Variants in CHD9 observed in about 807,000 individuals in gnomAD.
CHD9 encodes ATP-dependent chromatin remodeler CHD9.
CHD9 carries 77 observed loss-of-function variants against 316.1 expected under a neutral mutation model. That is an observed-to-expected ratio of 0.24 (90% CI 0.20 to 0.29). The LOEUF (loss-of-function observed/expected upper bound fraction) is 0.29. Among genes scored for constraint, CHD9 ranks in the 10% least tolerant of loss-of-function variants. The pLI is 1.00. For synonymous variants in CHD9, 1,129 were observed against 1,158.3 expected (o/e 0.97, Z 0.51); for missense variants, 2,763 against 3,438.1 (o/e 0.80, Z 4.91).
At chr16:53,238,613 G>A (rs757266924) in intron 12 of CHD9, 27 bp downstream of exon 12, 3 of 1,607,056 alleles carry the variant, frequency 1.9e-6, no homozygotes, top group Non-Finnish European at 2.6e-6. Flanking sequence ...TTTGTTTGTT[G>A]TTTGAAAGGT....
At chr16:53,138,057 G>A (rs976465554) in intron 1 of CHD9, among the ~76,000 whole-genome samples, 4 of 152,144 alleles carry the variant, frequency 2.6e-5, no homozygotes, top group African/African-American at 4.8e-5. Flanking sequence ...ACAAAGATCT[G>A]TATGATTTTT....
intron 31 of CHD9, 81 bp from the exon 32 acceptor site, chr16:53,306,156 C>G (rs1302877063): frequency 1.3e-6 from 1 of 798,760 alleles, no homozygotes; most frequent in Non-Finnish European, 1.8e-6. Flanking sequence ...TCAGGTGTTT[C>G]TGAATAATTA....
chr16:53,182,881 A>G (rs534111907), intron 2 of CHD9, among the ~76,000 whole-genome samples: 23 of 152,316 alleles, frequency 1.5e-4, no homozygotes, highest in South Asian at 1.2e-3. Flanking sequence ...GAAATCCCCA[A>G]TAAGATCAAG....
chr16:53,207,947 A>G (rs1008939095), intron 2 of CHD9: 3 of 737,668 alleles, frequency 4.1e-6, no homozygotes, highest in African/African-American at 3.8e-5. Context: ...CTGCTGGCCT[A>G]CTTCCGCAGA....
intron 1 of CHD9, among the ~76,000 whole-genome samples, chr16:53,125,218 A>ATTT (rs34096444): frequency 0.014 from 1,293 of 95,696 alleles, 10 homozygotes; most frequent in Non-Finnish European, 0.016. Flanking sequence ...TCAAGTTAGG[A>ATTT]TTTTTTTTTT....
Position 53,156,098 on chromosome 16 carries a change from T to C in CHD9, c.9T>C (p.Asp3=). The C allele has an allele frequency of 6.2e-7, 1 of 1,611,912 alleles. No homozygotes were observed. Among genetic ancestry groups the C allele is most frequent in the African/African-American group, 1.3e-5 (1 of 74,994 alleles). Residue 3 remains aspartate, a synonymous_variant, in exon 2 of 39, where the codon GAT becomes GAC. Transcript: ENST00000447540. MT[D]PMMDFFDDAN... ...GTTACAGAATTTTCAAGATGACAGA[T>C]CCAATGATGGACTTTTTTGATGATG...
intron 2 of CHD9, chr16:53,168,393 A>C (rs2042426215): frequency 6.6e-6 from 1 of 152,146 alleles, no homozygotes; most frequent in Admixed American, 6.5e-5. Flanking sequence ...GGTTTTACCC[A>C]CATTATTTGA....
At chr16:53,195,744 CAGAG>C (rs1235844864) in intron 2 of CHD9, among the ~76,000 whole-genome samples, 3 of 147,006 alleles carry the variant, frequency 2.0e-5, no homozygotes, top group South Asian at 2.2e-4. Context: ...AGAAATAAAA[CAGAG>C]AGATTCAATG....
intron 1 of CHD9, among the ~76,000 whole-genome samples, chr16:53,098,968 A>G (rs532984984): frequency 3.9e-5 from 6 of 152,304 alleles, no homozygotes; most frequent in Admixed American, 1.3e-4. Context: ...GGCTGATTTA[A>G]TAAAGGAAGC....
intron 1 of CHD9, among the ~76,000 whole-genome samples, chr16:53,146,419 G>GTATATATATATATATATAGATATATA (rs757165644): frequency 1.3e-5 from 1 of 76,714 alleles, no homozygotes; most frequent in Non-Finnish European, 2.4e-5. Flanking sequence ...GTGTGTGTAT[G>GTATATATATATATATATAGATATATA]TATATATATA....
At chr16:53,217,518 TGCTG>T (rs1417194726) in intron 3 of CHD9, among the ~76,000 whole-genome samples, 1 of 152,148 alleles carries the variant, frequency 6.6e-6, no homozygotes, top group East Asian at 1.9e-4. Flanking sequence ...CTTCCAAAAG[TGCTG>T]GGATCACAGG....
intron 1 of CHD9, among the ~76,000 whole-genome samples, chr16:53,081,234 C>G (rs900230502): frequency 1.3e-5 from 2 of 152,202 alleles, no homozygotes; most frequent in African/African-American, 4.8e-5. Flanking sequence ...GCAACCAGTT[C>G]AGGACAGTCT....
At chr16:53,130,480 G>A (rs1454995086) in intron 1 of CHD9, among the ~76,000 whole-genome samples, 2 of 150,068 alleles carry the variant, frequency 1.3e-5, no homozygotes, top group African/African-American at 4.9e-5. Flanking sequence ...CGGCGGGGCC[G>A]CGGGGCGGGC....
At chr16:53,079,461 A>G (rs2034828170) in intron 1 of CHD9, among the ~76,000 whole-genome samples, 1 of 152,256 alleles carries the variant, frequency 6.6e-6, no homozygotes, top group South Asian at 2.1e-4. Context: ...GTGGTATAAT[A>G]CAAAAATATA....
Position 53,235,348 on chromosome 16 carries a change from G to A in CHD9, c.2633+42G>A, listed in dbSNP as rs1012799742. On this transcript the variant is annotated intron_variant, in intron 11 of 38. Transcript: ENST00000447540. ...AATAAAAAAAATTTATTTTTTTAAT[G>A]TGTGCCAAAATGTGTCAAGTAAAAT... 84 of 1,376,082 alleles carry A rather than the reference G, an allele frequency of 6.1e-5. 1 individual carries two copies. Among genetic ancestry groups the A allele is most frequent in the African/African-American group, 6.0e-4 (41 of 68,182 alleles). The allele number at this position is 1,376,082 out of a possible 1,614,324, so 85.2% of individuals were successfully genotyped here.
chr16:53,134,644 TTTCCTC>T (rs1217457757), intron 1 of CHD9, among the ~76,000 whole-genome samples: 11 of 152,344 alleles, frequency 7.2e-5, no homozygotes, highest in East Asian at 3.9e-4. Context: ...CTTCCTGACA[TTTCCTC>T]TACTGTATTG....
chr16:53,229,913 C>G (rs1361203842), intron 8 of CHD9, among the ~76,000 whole-genome samples: 1 of 152,130 alleles, frequency 6.6e-6, no homozygotes, highest in Non-Finnish European at 1.5e-5. Flanking sequence ...AATTGTTCCA[C>G]TAGTGTTTTT....
intron 1 of CHD9, among the ~76,000 whole-genome samples, chr16:53,109,562 T>C (rs1225402594): frequency 6.6e-6 from 1 of 151,770 alleles, no homozygotes; most frequent in Non-Finnish European, 1.5e-5. Context: ...CTCCAACTCC[T>C]GACCTCAGGT....
intron 1 of CHD9, among the ~76,000 whole-genome samples, chr16:53,063,918 T>C (rs1371557874): frequency 6.6e-6 from 1 of 151,488 alleles, no homozygotes; most frequent in Non-Finnish European, 1.5e-5. Context: ...CACTGAAGCT[T>C]AAACTCCTAG....
Sources: gnomAD v4.1 joint callset for allele counts (sites outside exome capture counted in the v4.1 genomes callset) on GRCh38, gnomAD v4.1.1 for gene constraint, MANE v1.5 for transcripts, NCBI Gene and HGNC (gene_info 2026-07-23, HGNC 2026-07-21) for gene names.